GSR: variants seen among roughly 807,000 people sequenced by gnomAD.
GSR encodes glutathione-disulfide reductase.
In GSR, 48 loss-of-function variants were observed where a neutral mutation model predicts 56.5. The observed-to-expected ratio is 0.85, with a 90% CI of 0.67 to 1.08. The LOEUF is 1.08. GSR is among the 50% of genes least tolerant of loss of function. GSR has a pLI of 0.00. For synonymous variants in GSR, 264 were observed against 270.8 expected (o/e 0.97, Z 0.25); for missense variants, 694 against 703.3 (o/e 0.99, Z 0.15).
intron 8 of GSR, among the ~76,000 whole-genome samples, chr8:30,691,877 T>A (rs895421972): frequency 6.6e-6 from 1 of 151,888 alleles, no homozygotes; most frequent in Admixed American, 6.6e-5. Flanking sequence ...GGTGGGCAGA[T>A]AGTCTCAGCT....
At chr8:30,682,141 A>G (rs559628583) in intron 10 of GSR, 80 bp from the exon 11 acceptor site, 1 of 1,098,154 alleles carries the variant, frequency 9.1e-7, no homozygotes, top group African/African-American at 1.5e-5. Flanking sequence ...CCATTTATCC[A>G]TCTACCTTAA....
At chr8:30,724,265 G>A (rs560989312) in intron 1 of GSR, among the ~76,000 whole-genome samples, 28 of 152,252 alleles carry the variant, frequency 1.8e-4, no homozygotes, top group African/African-American at 6.0e-4. Context: ...ATTGGGCATC[G>A]CCAAGGGTGA....
At chr8:30,727,333 G>A (rs1270256131) in intron 1 of GSR, among the ~76,000 whole-genome samples, 197 bp downstream of exon 1, 1 of 152,204 alleles carries the variant, frequency 6.6e-6, no homozygotes, top group Admixed American at 6.5e-5. Context: ...CGGCTTTGCG[G>A]GCCGCAGAGA....
At chr8:30,721,330 A>G (rs1264299434) in intron 1 of GSR, among the ~76,000 whole-genome samples, 2 of 152,194 alleles carry the variant, frequency 1.3e-5, no homozygotes, top group Non-Finnish European at 2.9e-5. Context: ...AAGGTAATGA[A>G]TTCTCACTGA....
intron 9 of GSR, among the ~76,000 whole-genome samples, chr8:30,687,877 A>G (rs892828423): frequency 3.9e-5 from 6 of 152,172 alleles, no homozygotes; most frequent in African/African-American, 1.4e-4. Context: ...GTATAACCCA[A>G]TGAGGCAAGA....
At chr8:30,683,659 C>G (rs762306957) in intron 10 of GSR, among the ~76,000 whole-genome samples, 11 of 151,026 alleles carry the variant, frequency 7.3e-5, no homozygotes, top group Non-Finnish European at 1.3e-4. Flanking sequence ...ACTTGGGAGT[C>G]TGAGGTGGGA....
chr8:30,693,091 A>C (rs1176042194), intron 7 of GSR, 36 bp from the exon 8 acceptor site: 16 of 1,330,576 alleles, frequency 1.2e-5, no homozygotes, highest in Non-Finnish European at 1.7e-5. Flanking sequence ...ATGCGAGAGG[A>C]AGAAAACTTG....
intron 9 of GSR, among the ~76,000 whole-genome samples, chr8:30,685,985 CAAAAAAA>C (rs71206274): frequency 2.4e-4 from 9 of 37,238 alleles, no homozygotes; most frequent in African/African-American, 6.8e-4. Context: ...GACTCTGCCT[CAAAAAAA>C]AAAAAAAAAA....
At position 30,678,614 on chromosome 8, in the gene GSR, G is replaced by C. The variant is rs893845273; in HGVS notation, c.*906C>G. On this transcript the variant is annotated 3_prime_UTR_variant, in exon 13 of 13. Coordinates refer to ENST00000221130, the MANE Select transcript of GSR (RefSeq NM_000637.5). ...TAGGCTCAAGTAATCCTCCTGCCTCGGCCTCCCAAAGTGCTAGAATTACAG... is the reference window on the plus strand; with the variant it reads ...TAGGCTCAAGTAATCCTCCTGCCTCCGCCTCCCAAAGTGCTAGAATTACAG... 3.3e-5 allele frequency: 5 copies of C among 151,466 alleles called. No homozygotes were observed. The highest frequency in any genetic ancestry group is 9.7e-5 in the African/African-American group (4 of 41,198). 9.4% of individuals were successfully genotyped at this position (151,466 alleles called of 1,614,324 possible).
At chr8:30,688,821 G>C (rs955955789) in intron 9 of GSR, among the ~76,000 whole-genome samples, 2 of 151,816 alleles carry the variant, frequency 1.3e-5, no homozygotes, top group Admixed American at 1.3e-4. Context: ...TACTCCAGAA[G>C]CTGAGGTGGG....
chr8:30,723,566 G>A (rs916203148), intron 1 of GSR, among the ~76,000 whole-genome samples: 2 of 151,988 alleles, frequency 1.3e-5, no homozygotes, highest in Admixed American at 6.6e-5. Flanking sequence ...TGAGGCGGGT[G>A]GATCACTTTA....
intron 1 of GSR, among the ~76,000 whole-genome samples, chr8:30,722,574 A>G (rs2128749369): frequency 6.6e-6 from 1 of 151,954 alleles, no homozygotes; most frequent in Non-Finnish European, 1.5e-5. Context: ...AAAAATTTAA[A>G]AAATCAGCCA....
chr8:30,717,874 G>C (rs1279320577), intron 1 of GSR, among the ~76,000 whole-genome samples: 2 of 152,088 alleles, frequency 1.3e-5, no homozygotes, highest in East Asian at 3.9e-4. Flanking sequence ...GCCGAGGCGG[G>C]CAATTACCTG....
chr8:30,696,557 A>G (rs915861099), intron 6 of GSR, 78 bp from the exon 7 acceptor site: 4 of 944,896 alleles, frequency 4.2e-6, no homozygotes, highest in Non-Finnish European at 7.0e-6. Flanking sequence ...AAAGTTGCAG[A>G]GATAGTACAG....
chr8:30,694,734 G>A (rs1803490588), intron 7 of GSR, among the ~76,000 whole-genome samples: 1 of 151,910 alleles, frequency 6.6e-6, no homozygotes, highest in Non-Finnish European at 1.5e-5. Context: ...GACCAGCCTG[G>A]GCAACATGGT....
chr8:30,699,099 A>G (rs1473278615), intron 6 of GSR, among the ~76,000 whole-genome samples: 1 of 152,110 alleles, frequency 6.6e-6, no homozygotes, highest in Non-Finnish European at 1.5e-5. Context: ...CAGCCTGGAC[A>G]ACAGAACGAG....
chr8:30,691,506 C>A (rs980982891), intron 8 of GSR, among the ~76,000 whole-genome samples: 2 of 150,968 alleles, frequency 1.3e-5, no homozygotes, highest in South Asian at 2.1e-4. Flanking sequence ...AATGGTGAAA[C>A]CCCGTCTCTA....
chr8:30,722,398 T>C (rs1423534535), intron 1 of GSR, among the ~76,000 whole-genome samples: 2 of 152,172 alleles, frequency 1.3e-5, no homozygotes, highest in African/African-American at 4.8e-5. Context: ...AGAGTTCCTT[T>C]AAACTGACCT....
chr8:30,725,204 A>G (rs1164547420), intron 1 of GSR, among the ~76,000 whole-genome samples: 2 of 152,176 alleles, frequency 1.3e-5, no homozygotes, highest in Non-Finnish European at 2.9e-5. Flanking sequence ...GCATTTTGGG[A>G]GGCCAAGGCA....
Sources: allele counts gnomAD v4.1 joint callset (sites outside exome capture counted in the v4.1 genomes callset), GRCh38; gene constraint gnomAD v4.1.1; transcripts MANE v1.5; gene names NCBI Gene and HGNC (gene_info 2026-07-23, HGNC 2026-07-21).